Variants in LIG1 observed in about 807,000 individuals in gnomAD.
LIG1 encodes ligase I, DNA, ATP-dependent.
LIG1 carries 70 observed loss-of-function variants against 115.7 expected under a neutral mutation model. The ratio of observed to expected loss-of-function variants is 0.60; its 90% CI spans 0.50 to 0.74. LIG1 has a LOEUF of 0.74. Ranked by LOEUF, LIG1 falls within the 30% of genes least tolerant of loss-of-function variation. The pLI, the probability that LIG1 is intolerant of heterozygous loss-of-function variation, is 0.00. For missense variants in LIG1, 1,115 were observed against 1,225.6 expected (o/e 0.91, Z 1.35); for synonymous variants, 487 against 495.3 (o/e 0.98, Z 0.22).
intron 3 of LIG1, 48 bp from the exon 4 acceptor site, chr19:48,161,555 G>C: frequency 6.2e-7 from 1 of 1,606,734 alleles, no homozygotes; most frequent in Non-Finnish European, 8.5e-7. Flanking sequence ...ACAGCAGGCA[G>C]AGTGGGGGCA....
intron 20 of LIG1, 73 bp from the exon 21 acceptor site, chr19:48,127,421 T>C (rs2033742356): frequency 7.5e-6 from 10 of 1,338,508 alleles, no homozygotes; most frequent in African/African-American, 1.7e-5. Context: ...GCCGACAGCA[T>C]TCATCTACCG....
At chr19:48,129,193 C>A (rs189258012) in intron 19 of LIG1, among the ~76,000 whole-genome samples, 1 of 151,830 alleles carries the variant, frequency 6.6e-6, no homozygotes, top group African/African-American at 2.4e-5. Flanking sequence ...GCTGGGACTA[C>A]AAGAGCACGC....
intron 11 of LIG1, among the ~76,000 whole-genome samples, chr19:48,142,769 G>A (rs1194920152): frequency 3.9e-5 from 6 of 152,042 alleles, no homozygotes; most frequent in Non-Finnish European, 7.4e-5. Flanking sequence ...TCAGCCTCCT[G>A]AGTAGCCGGG....
At chr19:48,144,170 T>C (rs992957983) in intron 9 of LIG1, among the ~76,000 whole-genome samples, 5 of 152,102 alleles carry the variant, frequency 3.3e-5, no homozygotes, top group Admixed American at 1.3e-4. Context: ...TCATTAATTT[T>C]AGGTGTTAAA....
rs376471062 is a variant in LIG1, at chr19:48,120,954, GAC to G, written c.2385+214_2385+215del. The stretch of plus-strand genomic sequence containing the variant: ...TTGTAGCTAATCTCAATCTCTCACT[GAC>G]ACACATTCCTGACATCTTTCTATCC... On this transcript the variant is annotated intron_variant, in intron 24 of 27. Transcript: ENST00000263274. 1.5e-5 allele frequency: 22 copies of G among 1,425,858 alleles called. No homozygotes were observed. The African/African-American group carries it at 1.6e-4, about 10-fold the overall frequency. The allele number at this position is 1,425,858 out of a possible 1,614,324, so 88.3% of individuals were successfully genotyped here. A position where few individuals can be genotyped will look rare whatever the true frequency, so the allele number is the denominator to read the frequency against.
intron 11 of LIG1, 47 bp from the exon 12 acceptor site, chr19:48,140,190 A>G: frequency 9.6e-7 from 1 of 1,044,904 alleles, no homozygotes; most frequent in South Asian, 1.3e-5. Flanking sequence ...TCAAGGTCAA[A>G]GTGTGGTGTC....
At chr19:48,146,060 G>A (rs1011736361) in intron 9 of LIG1, 7 of 152,294 alleles carry the variant, frequency 4.6e-5, no homozygotes, top group South Asian at 4.1e-4. Flanking sequence ...TGCCTGGCAC[G>A]TGGGGAAGAG....
chr19:48,157,124 C>T lies in LIG1; in HGVS notation c.260G>A (p.Cys87Tyr). 6.2e-7 allele frequency: 1 copy of T among 1,611,662 alleles called. No individual in the cohort carries two copies. The highest frequency in any genetic ancestry group is 1.1e-5 in the South Asian group (1 of 90,902). Residue 87 changes from cysteine to tyrosine, a missense_variant, in exon 5 of 28, where the codon TGC (cysteine) becomes TAC (tyrosine). Transcript: ENST00000263274. ...AGGACGGGGCGGGGAGACCTGTGAG[C>T]AGTCCAGGGCAGGCTTCTGGAAGAG... The part of the protein sequence containing the change: ...PAKGQKPALD[C>Y]SQVSPPRPAT...
At position 48,127,338 on chromosome 19, in the gene LIG1, G is replaced by T; in HGVS notation, c.1943C>A (p.Ala648Glu). The change falls in exon 21 of 28, where the codon GCG becomes GAG. Residue 648 changes from alanine to glutamate, a missense_variant. By Grantham distance (107) the Ala-to-Glu change is moderately radical. Coordinates refer to ENST00000263274, the MANE Select transcript of LIG1 (RefSeq NM_000234.3). ...LTTRKRKEVD[A>E]SEIQVQVCLY... is the part of the protein sequence containing the mutation. ...ACACACCTGCACCTGGATCTCAGAC[G>T]CATCCACCTCCTGGGTTGGGGCACA... 1 of 1,613,214 alleles carries T rather than the reference G, an allele frequency of 6.2e-7. No individual in the cohort carries two copies.
chr19:48,126,975 C>T (rs1053062136), intron 21 of LIG1: 1 of 413,316 alleles, frequency 2.4e-6, no homozygotes. Flanking sequence ...TAATATCTGG[C>T]TTAACAGAGG....
At chr19:48,158,505 C>G (rs2035985884) in intron 4 of LIG1, among the ~76,000 whole-genome samples, 1 of 152,230 alleles carries the variant, frequency 6.6e-6, no homozygotes, top group Non-Finnish European at 1.5e-5. Flanking sequence ...CTTACAGGGC[C>G]CTGTGCCAGT....
intron 11 of LIG1, 71 bp downstream of exon 11, chr19:48,143,462 AACAAGGCAGC>A (rs1281759920): frequency 2.4e-6 from 3 of 1,261,668 alleles, no homozygotes; most frequent in Non-Finnish European, 3.5e-6. Context: ...GGTTTGGCGG[AACAAGGCAGC>A]ACAGACCGCC....
At chr19:48,131,562 G>C (rs958934045) in intron 18 of LIG1, among the ~76,000 whole-genome samples, 2 of 152,176 alleles carry the variant, frequency 1.3e-5, no homozygotes, top group African/African-American at 2.4e-5. Flanking sequence ...GGGTTCAAGA[G>C]AGCCTTCCGC....
At chr19:48,140,808 A>C (rs1423592368) in intron 11 of LIG1, among the ~76,000 whole-genome samples, 1 of 152,060 alleles carries the variant, frequency 6.6e-6, no homozygotes, top group Non-Finnish European at 1.5e-5. Context: ...CAACCTGACC[A>C]ATCAGCACTC....
intron 21 of LIG1, among the ~76,000 whole-genome samples, chr19:48,125,710 C>T (rs992119359): frequency 6.6e-6 from 1 of 152,158 alleles, no homozygotes; most frequent in Non-Finnish European, 1.5e-5. Context: ...TGGGATGGGC[C>T]GGGCGTGGTG....
intron 6 of LIG1, among the ~76,000 whole-genome samples, chr19:48,153,498 A>C (rs932082468): frequency 6.6e-6 from 1 of 152,140 alleles, no homozygotes; most frequent in Non-Finnish European, 1.5e-5. Flanking sequence ...TAAGATGTCC[A>C]AACAAATATA....
intron 2 of LIG1, among the ~76,000 whole-genome samples, chr19:48,162,568 G>A (rs2036244718): frequency 6.6e-6 from 1 of 151,810 alleles, no homozygotes; most frequent in South Asian, 2.1e-4. Context: ...CAAGTAGCTG[G>A]AACTACAGGC....
chr19:48,168,064 CACA>C (rs1197682017), intron 1 of LIG1, among the ~76,000 whole-genome samples: 2 of 152,086 alleles, frequency 1.3e-5, no homozygotes, highest in East Asian at 1.9e-4. Flanking sequence ...ACTGACTCTC[CACA>C]ACAACTCTGT....
At position 48,143,572 on chromosome 19, in the gene LIG1, C is replaced by A; in HGVS notation, c.885G>T (p.Thr295=). 1 of 1,575,454 alleles carries A rather than the reference C, an allele frequency of 6.3e-7. No individual in the cohort carries two copies. The highest frequency in any genetic ancestry group is 1.7e-4 in the Middle Eastern group (1 of 5,850). Residue 295 remains threonine (T), a synonymous_variant, in exon 11 of 28, where the codon ACG becomes ACT. Coordinates refer to ENST00000263274, the MANE Select transcript of LIG1 (RefSeq NM_000234.3). ...QKVPYLAVAR[T]FEKIEEVSAR... ...CAGACACCTCCTCGATCTTCTCAAA[C>A]GTCCGGGCCACAGCCAGGTAAGGAA...
Sources: allele counts gnomAD v4.1 joint callset (sites outside exome capture counted in the v4.1 genomes callset), GRCh38; gene constraint gnomAD v4.1.1; transcripts MANE v1.5; gene names NCBI Gene and HGNC (gene_info 2026-07-23, HGNC 2026-07-21).